The following DNAH12 variants were observed in gnomAD, a reference collection of about 807,000 sequenced individuals.
The protein encoded by DNAH12 is axonemal beta dynein heavy chain 12.
In DNAH12, 285 loss-of-function variants were observed where a neutral mutation model predicts 371.5. That is an observed-to-expected ratio of 0.77 (90% CI 0.70 to 0.85). DNAH12 has a LOEUF of 0.85. DNAH12 is among the 40% of genes least tolerant of loss of function. DNAH12 has a pLI of 0.00. For synonymous variants in DNAH12, 1,200 were observed against 1,213.0 expected (o/e 0.99, Z 0.22); for missense variants, 3,611 against 3,689.4 (o/e 0.98, Z 0.55).
At chr3:57,536,493 C>T (rs963048867) in intron 2 of DNAH12, 2 of 152,184 alleles carry the variant, frequency 1.3e-5, no homozygotes, top group African/African-American at 4.8e-5. Context: ...TTTTGAGCAG[C>T]CTCATTTCCC....
intron 11 of DNAH12, chr3:57,498,258 A>C: frequency 2.2e-6 from 1 of 453,494 alleles, no homozygotes; most frequent in Non-Finnish European, 3.9e-6. Context: ...GAAGAACTGG[A>C]AATCTCATAC....
chr3:57,388,357 T>C (rs1384554646), intron 45 of DNAH12, among the ~76,000 whole-genome samples: 1 of 152,242 alleles, frequency 6.6e-6, no homozygotes, highest in Non-Finnish European at 1.5e-5. Flanking sequence ...TTAATCTTTA[T>C]TTGTTCACTA....
intron 2 of DNAH12, among the ~76,000 whole-genome samples, chr3:57,540,812 C>G (rs759266841): frequency 6.6e-6 from 1 of 151,870 alleles, no homozygotes; most frequent in Non-Finnish European, 1.5e-5. Flanking sequence ...CGCCTGTAGT[C>G]CCAGCCACTT....
rs201274393 is a variant in DNAH12, at chr3:57,296,999, C to G, written c.11395-15G>C. The G allele has an allele frequency of 1.5e-5, 23 of 1,550,432 alleles. No homozygotes were observed. Among genetic ancestry groups the G allele is most frequent in the Admixed American group, 2.0e-5 (1 of 50,784 alleles). On this transcript the variant is annotated splice_polypyrimidine_tract_variant and intron_variant, in intron 70 of 73. Coordinates refer to ENST00000495027, the MANE Select transcript of DNAH12 (RefSeq NM_001366028.2). ...TTATACCAGTCCTACAAAGGGAAAACAAAACACATTATGTCAGTTTTTAAA... is the reference window on the plus strand; with the variant it reads ...TTATACCAGTCCTACAAAGGGAAAAGAAAACACATTATGTCAGTTTTTAAA...
chr3:57,436,560 G>C (rs2065131487), intron 30 of DNAH12, among the ~76,000 whole-genome samples: 1 of 152,156 alleles, frequency 6.6e-6, no homozygotes, highest in African/African-American at 2.4e-5. Flanking sequence ...TGTCTTTCTA[G>C]GTTGTAGGTC....
chr3:57,295,187 G>A (rs912860187), intron 73 of DNAH12, among the ~76,000 whole-genome samples: 1 of 152,150 alleles, frequency 6.6e-6, no homozygotes, highest in Non-Finnish European at 1.5e-5. Context: ...AAGCTAATTT[G>A]TGCCTCTGAG....
intron 64 of DNAH12, 123 bp downstream of exon 64, chr3:57,322,884 T>C: frequency 7.4e-7 from 1 of 1,353,990 alleles, no homozygotes; most frequent in Non-Finnish European, 9.8e-7. Context: ...GAGCCGAAAT[T>C]GCGCCACTGC....
rs2153398874 is a variant in DNAH12 at position 57,525,992 on chromosome 3, A to G, written c.171-2108T>C. 2.0e-5 allele frequency among the ~76,000 whole-genome samples: 3 copies of G among 151,758 alleles called. No homozygotes were observed. In the South Asian group the frequency reaches 6.3e-4, roughly 32 times the overall value. On this transcript the variant is annotated intron_variant, in intron 2 of 73. Transcript: ENST00000495027. ...TGGCCAGGCTGGTCTCAAACTCCTGACCTCAAGTGATCCACCTGCCTCGGC... is the reference window on the plus strand; with the variant it reads ...TGGCCAGGCTGGTCTCAAACTCCTGGCCTCAAGTGATCCACCTGCCTCGGC...
chr3:57,549,466 A>C, the DNAH12 span, among the ~76,000 whole-genome samples: 1 of 144,442 alleles, frequency 6.9e-6, no homozygotes, highest in East Asian at 2.2e-4. Flanking sequence ...GCAGTGAGCC[A>C]AGATCATGCC....
At chr3:57,400,550 TGATTA>T (rs1333457833) in intron 43 of DNAH12, among the ~76,000 whole-genome samples, 1 of 152,186 alleles carries the variant, frequency 6.6e-6, no homozygotes, top group African/African-American at 2.4e-5. Context: ...TACATAACTA[TGATTA>T]GATTAATTAA....
intron 60 of DNAH12, among the ~76,000 whole-genome samples, chr3:57,349,024 C>T (rs1446488414): frequency 1.5e-5 from 2 of 133,900 alleles, no homozygotes; most frequent in Admixed American, 1.5e-4. Flanking sequence ...AAGAAATAAT[C>T]AGCAGAGTTA....
At chr3:57,474,454 G>A (rs551609212) in intron 13 of DNAH12, among the ~76,000 whole-genome samples, 1 of 151,966 alleles carries the variant, frequency 6.6e-6, no homozygotes, top group Admixed American at 6.6e-5. Flanking sequence ...GTGCCACCAC[G>A]CCCAGCTAAC....
chr3:57,462,585 C>T, intron 18 of DNAH12, 105 bp downstream of exon 18: 3 of 1,338,184 alleles, frequency 2.2e-6, no homozygotes, highest in Non-Finnish European at 3.0e-6. Flanking sequence ...CCCCCATCAC[C>T]TCCCGCGCTA....
chr3:57,343,221 T>C (rs1575480230), intron 60 of DNAH12, among the ~76,000 whole-genome samples: 1 of 152,180 alleles, frequency 6.6e-6, no homozygotes, highest in East Asian at 1.9e-4. Flanking sequence ...TGTTACTGTG[T>C]CTAGATAGAA....
chr3:57,379,920 T>C (rs2063354413), intron 51 of DNAH12, among the ~76,000 whole-genome samples: 1 of 146,920 alleles, frequency 6.8e-6, no homozygotes, highest in Non-Finnish European at 1.5e-5. Flanking sequence ...CAATTAAACA[T>C]TAAGAATAAG....
At position 57,330,105 on chromosome 3, in the gene DNAH12, A is replaced by G. The variant is rs562526680; in HGVS notation, c.9978+4360T>C. On this transcript the variant is annotated intron_variant, in intron 62 of 73. Coordinates refer to ENST00000495027, the MANE Select transcript of DNAH12 (RefSeq NM_001366028.2). ...TGTGGAGAAATAGGAACACTTTTAC[A>G]CTGTTGGTGGGACTGTAAACTAGTT... Among the ~76,000 whole-genome samples the G allele has an allele frequency of 2.9e-3, 441 of 151,864 alleles. 2 individuals carry two copies. Among genetic ancestry groups the G allele is most frequent in the African/African-American group, 0.01 (417 of 41,220 alleles).
intron 13 of DNAH12, among the ~76,000 whole-genome samples, chr3:57,477,387 GC>G (rs1296073183): frequency 8.5e-5 from 13 of 152,284 alleles, no homozygotes; most frequent in Middle Eastern, 3.4e-3. Flanking sequence ...AGGGGCGCCC[GC>G]CATTGCCGAG....
In DNAH12 at chr3:57,323,264, TAAGAGGCACAAAAA is replaced by T; in HGVS notation, c.10130-18_10130-5del. ...TCATTTGCAAATTTCAGCAGGCCTA[TAAGAGGCACAAAAA>T]AATGGTCACACTACTTACTCTAAAA... On this transcript the variant is annotated splice_polypyrimidine_tract_variant and splice_region_variant and intron_variant, in intron 63 of 73. Coordinates refer to ENST00000495027, the MANE Select transcript of DNAH12 (RefSeq NM_001366028.2). 6.5e-7 allele frequency: 1 copy of T among 1,548,854 alleles called. No homozygotes were observed. Among genetic ancestry groups the T allele is most frequent in the Non-Finnish European group, 8.7e-7 (1 of 1,145,980 alleles).
At chr3:57,498,465 A>G in intron 11 of DNAH12, 2 of 710,740 alleles carry the variant, frequency 2.8e-6, no homozygotes, top group Non-Finnish European at 5.2e-6. Context: ...TACAGGTGCA[A>G]GCTACTATGC....
Sources: gnomAD v4.1 joint callset for allele counts (sites outside exome capture counted in the v4.1 genomes callset) on GRCh38, gnomAD v4.1.1 for gene constraint, MANE v1.5 for transcripts, NCBI Gene and HGNC (gene_info 2026-07-23, HGNC 2026-07-21) for gene names.